IFT80: variants seen among roughly 807,000 people sequenced by gnomAD.
IFT80 encodes the protein intraflagellar transport 80.
IFT80 carries 79 observed loss-of-function variants against 107.9 expected under a neutral mutation model. The observed-to-expected ratio is 0.73, with a 90% CI of 0.61 to 0.88. IFT80 has a LOEUF of 0.88. Ranked by LOEUF, IFT80 falls within the 40% of genes least tolerant of loss-of-function variation. The pLI is 0.00. For synonymous variants in IFT80, 299 were observed against 300.9 expected (o/e 0.99, Z 0.07); for missense variants, 797 against 914.2 (o/e 0.87, Z 1.65).
intron 2 of IFT80, chr3:160,383,592 A>G: frequency 1.1e-6 from 1 of 881,370 alleles, no homozygotes; most frequent in Non-Finnish European, 1.4e-6. Context: ...AACAATGTCA[A>G]ATTGCTACAA....
intron 6 of IFT80, among the ~76,000 whole-genome samples, chr3:160,364,980 A>G (rs2108376023): frequency 6.6e-6 from 1 of 151,052 alleles, no homozygotes; most frequent in East Asian, 1.9e-4. Context: ...GTGCACATGT[A>G]CCCTAGAACT....
chr3:160,365,659 A>C (rs1055797256), intron 6 of IFT80, among the ~76,000 whole-genome samples: 2 of 152,068 alleles, frequency 1.3e-5, no homozygotes, highest in African/African-American at 4.8e-5. Context: ...TGTTAAGCTG[A>C]TATTAGTGTC....
At chr3:160,323,326 T>C (rs1718417988) in intron 8 of IFT80, among the ~76,000 whole-genome samples, 1 of 150,532 alleles carries the variant, frequency 6.6e-6, no homozygotes, top group Non-Finnish European at 1.5e-5. Context: ...TTCTCAGGTT[T>C]GTCAAAGATC....
At chr3:160,357,403 G>A in intron 7 of IFT80, 86 bp downstream of exon 7, 1 of 755,578 alleles carries the variant, frequency 1.3e-6, no homozygotes, top group Non-Finnish European at 2.2e-6. Context: ...CATGGCTAAA[G>A]TAAAAAACTA....
intron 12 of IFT80, among the ~76,000 whole-genome samples, chr3:160,287,577 T>TC (rs1715190422): frequency 6.6e-6 from 1 of 152,146 alleles, no homozygotes; most frequent in Non-Finnish European, 1.5e-5. Context: ...GGCCATGGGG[T>TC]CACCCAGGGT....
At chr3:160,281,905 CA>C (rs1320502225) in intron 14 of IFT80, among the ~76,000 whole-genome samples, 2 of 152,190 alleles carry the variant, frequency 1.3e-5, no homozygotes, top group Non-Finnish European at 2.9e-5. Context: ...AGTCAAAGAT[CA>C]AACAGTGCAC....
In IFT80 at chr3:160,322,079, T is replaced by C. The variant is rs150458974; in HGVS notation, c.778-2140A>G. Among the ~76,000 whole-genome samples, 764 of 151,268 alleles carry C rather than the reference T, an allele frequency of 5.1e-3. 9 individuals are homozygous for C. Among genetic ancestry groups the C allele is most frequent in the African/African-American group, 0.018 (723 of 41,286 alleles). ...CTTTAAGTTTTAGGGTACATGTGCA[T>C]AATGTGCAGGTTAGTTATATATGTA... On this transcript the variant is annotated intron_variant, in intron 8 of 19. Coordinates refer to ENST00000326448, the MANE Select transcript of IFT80 (RefSeq NM_020800.3).
chr3:160,292,724 C>T (rs1024582834), intron 12 of IFT80, among the ~76,000 whole-genome samples: 31 of 152,206 alleles, frequency 2.0e-4, no homozygotes, highest in Non-Finnish European at 3.5e-4. Flanking sequence ...GATGCGCCCG[C>T]CTCGGCCTCC....
At chr3:160,365,275 C>T (rs939752528) in intron 6 of IFT80, among the ~76,000 whole-genome samples, 1 of 152,012 alleles carries the variant, frequency 6.6e-6, no homozygotes, top group African/African-American at 2.4e-5. Flanking sequence ...GTGTTCTGCA[C>T]ACCATAAAAA....
In IFT80 at chr3:160,258,502, T is replaced by C; in HGVS notation, c.*23A>G. On this transcript the variant is annotated 3_prime_UTR_variant, in exon 20 of 20. Transcript: ENST00000326448. ...TCAGAACGTGTTTCAAAAGATAAAA[T>C]TTCTTAAAGATACGCATGGCATTTA... 6.2e-7 allele frequency: 1 copy of C among 1,613,450 alleles called. No homozygotes were observed. The highest frequency in any genetic ancestry group is 8.5e-7 in the Non-Finnish European group (1 of 1,179,904).
At chr3:160,348,897 T>C (rs973258835) in intron 8 of IFT80, among the ~76,000 whole-genome samples, 7 of 152,056 alleles carry the variant, frequency 4.6e-5, no homozygotes, top group African/African-American at 9.7e-5. Context: ...AAAAAGTAGA[T>C]TAGTGGTTGC....
At chr3:160,302,709 G>A (rs183067445) in intron 11 of IFT80, among the ~76,000 whole-genome samples, 1 of 152,038 alleles carries the variant, frequency 6.6e-6, no homozygotes, top group Admixed American at 6.5e-5. Context: ...TGATTTTTTA[G>A]ATAGCTGATA....
intron 12 of IFT80, among the ~76,000 whole-genome samples, chr3:160,298,415 A>G (rs1716156680): frequency 6.7e-6 from 1 of 149,960 alleles, no homozygotes; most frequent in East Asian, 2.0e-4. Flanking sequence ...AGCAAAACAG[A>G]GTTACATAAT....
At chr3:160,321,952 A>G (rs918537298) in intron 8 of IFT80, among the ~76,000 whole-genome samples, 1 of 151,828 alleles carries the variant, frequency 6.6e-6, no homozygotes, top group African/African-American at 2.4e-5. Context: ...TGCCCTGAGC[A>G]TGCTTGTTTA....
At chr3:160,375,787 T>C in intron 5 of IFT80, 25 bp downstream of exon 5, 1 of 1,575,028 alleles carries the variant, frequency 6.3e-7, no homozygotes, top group Middle Eastern at 1.7e-4. Context: ...TTTGCAAAAA[T>C]GAAATTGTCA....
In IFT80 at chr3:160,319,740, A is replaced by G. The variant is rs950188020; in HGVS notation, c.957+20T>C. 6.2e-7 allele frequency: 1 copy of G among 1,604,312 alleles called. No individual in the cohort carries two copies. Among genetic ancestry groups the G allele is most frequent in the African/African-American group, 1.3e-5 (1 of 74,676 alleles). ...ATATGAAAAGAAGCAGGTTTAATCA[A>G]CCTTGGAACATAATAATACCTGCAT... On this transcript the variant is annotated intron_variant, in intron 9 of 19. Coordinates refer to ENST00000326448, the MANE Select transcript of IFT80 (RefSeq NM_020800.3).
intron 8 of IFT80, among the ~76,000 whole-genome samples, chr3:160,352,286 G>A (rs1291796125): frequency 6.6e-6 from 1 of 152,154 alleles, no homozygotes; most frequent in Non-Finnish European, 1.5e-5. Context: ...GAGCCACCAC[G>A]CCCGGCCCCC....
rs869204306 is a variant in IFT80, at chr3:160,304,435, CT to C, written c.1077-447del. On this transcript the variant is annotated intron_variant, in intron 10 of 19. Transcript: ENST00000326448. ...CCACCTGTCAGCCACTTGATTTTTT[CT>C]TTTTTTTTTTTTTTTTTGAGATGGA... 3.1e-3 allele frequency among the ~76,000 whole-genome samples: 401 copies of C among 129,178 alleles called. 1 individual carries two copies. The highest frequency in any genetic ancestry group is 6.4e-3 in the African/African-American group (228 of 35,388). 84.7% of individuals were successfully genotyped at this position (129,178 alleles called of 152,430 possible).
At chr3:160,258,744 T>C in intron 19 of IFT80, 109 bp from the exon 20 acceptor site, 1 of 1,342,286 alleles carries the variant, frequency 7.4e-7, no homozygotes, top group East Asian at 2.5e-5. Context: ...TCCAAAAGAT[T>C]AGAGAAAAAG....
Sources: allele counts gnomAD v4.1 joint callset (sites outside exome capture counted in the v4.1 genomes callset), GRCh38; gene constraint gnomAD v4.1.1; transcripts MANE v1.5; gene names NCBI Gene and HGNC (gene_info 2026-07-23, HGNC 2026-07-21).